Variants in IZUMO2 observed in about 807,000 individuals in gnomAD.
IZUMO2 encodes the protein izumo sperm-egg fusion protein 2.
A neutral mutation model predicts 31.2 loss-of-function variants in IZUMO2; 24 were observed. That is an observed-to-expected ratio of 0.77 (90% CI 0.56 to 1.08). IZUMO2 has a LOEUF of 1.08. Ranked by LOEUF, IZUMO2 falls within the 50% of genes least tolerant of loss-of-function variation. The pLI, the probability that IZUMO2 is intolerant of heterozygous loss-of-function variation, is 0.00. For synonymous variants in IZUMO2, 144 were observed against 117.3 expected (o/e 1.23, Z -1.47); for missense variants, 278 against 274.0 (o/e 1.01, Z -0.10).
At chr19:50,159,863 T>C (rs1005394413) in intron 2 of IZUMO2, 2 of 265,768 alleles carry the variant, frequency 7.5e-6, no homozygotes, top group Admixed American at 9.8e-5. Context: ...TTTTTTTCTT[T>C]TTGAGACGGA....
exon 1 of IZUMO2, chr19:50,163,278 TCACGGTGTTACAGG>T: frequency 1.0e-6 from 1 of 986,744 alleles, no homozygotes; most frequent in South Asian, 1.4e-5. Context: ...CCAGGGAGCA[TCACGGTGTTACAGG>T]CACGTGTTCG....
intron 5 of IZUMO2, among the ~76,000 whole-genome samples, chr19:50,157,519 G>A (rs2030251512): frequency 6.6e-6 from 1 of 150,932 alleles, no homozygotes; most frequent in African/African-American, 2.4e-5. Flanking sequence ...GGCCAGGCTG[G>A]TCTCAAACTC....
At chr19:50,160,150 C>T (rs2030348951) in intron 2 of IZUMO2, 1 of 153,344 alleles carries the variant, frequency 6.5e-6, no homozygotes, top group African/African-American at 2.4e-5. Flanking sequence ...CACCCGACCT[C>T]TTCTTTTTTG....
At chr19:50,154,962 A>G (rs2030166293) in intron 5 of IZUMO2, among the ~76,000 whole-genome samples, 1 of 152,128 alleles carries the variant, frequency 6.6e-6, no homozygotes, top group South Asian at 2.1e-4. Flanking sequence ...CGGGAACCAA[A>G]CTGGCAAACT....
chr19:50,160,387 A>C (rs910433001), intron 2 of IZUMO2: 1 of 152,206 alleles, frequency 6.6e-6, no homozygotes, highest in Non-Finnish European at 1.5e-5. Context: ...TTGCATGCTG[A>C]AATGGTGATA....
intron 5 of IZUMO2, 102 bp downstream of exon 5, chr19:50,158,166 G>T: frequency 1.5e-6 from 1 of 651,118 alleles, no homozygotes; most frequent in South Asian, 2.2e-5. Flanking sequence ...GGCAGGATTC[G>T]AGGCTGCATG....
rs761292133 is a variant in IZUMO2, at chr19:50,159,507, T to A, written c.381A>T (p.Ser127=). 4 of 1,610,200 alleles carry A rather than the reference T, an allele frequency of 2.5e-6. No individual in the cohort carries two copies. Among genetic ancestry groups the A allele is most frequent in the African/African-American group, 1.3e-5 (1 of 74,932 alleles). The change falls in exon 3 of 7, where the codon TCA becomes TCT. Residue 127 remains serine (S), a synonymous_variant. Transcript: ENST00000293405. ...VIKEFKKVLI[S]YELKACNPKL... is the part of the protein sequence containing the mutation. Reference sequence around the variant, plus strand: ...GATATGCTGCACCTTTTAATTCATATGAAATTAAAACTTTCTTGAATTCCT... The same window carrying A: ...GATATGCTGCACCTTTTAATTCATAAGAAATTAAAACTTTCTTGAATTCCT...
chr19:50,162,801 A>C lies in IZUMO2; in HGVS notation c.245T>G (p.Leu82Arg), dbSNP rs778573314. Residue 82 changes from leucine (L) to arginine (R), a missense_variant, in exon 2 of 7, where the codon CTG (leucine) becomes CGG (arginine). Leu to Arg is a moderately radical substitution (Grantham distance 102). Transcript: ENST00000293405. ...CTTGACAAAGGACGCCACAAGGTCC[A>C]GTTGATTTGTCTCTGGGGGGAGAAG... ...VFVGKVETNQ[L>R]DLVASFVKNQ... 2.2e-5 allele frequency: 36 copies of C among 1,613,716 alleles called. No homozygotes were observed. The Middle Eastern group carries it at 1.0e-3, about 46-fold the overall frequency.
intron 5 of IZUMO2, among the ~76,000 whole-genome samples, chr19:50,156,053 C>T (rs1440101958): frequency 5.9e-5 from 9 of 152,078 alleles, no homozygotes; most frequent in South Asian, 2.1e-4. Context: ...GCCCTACATC[C>T]GTATTTTCTA....
At position 50,162,767 on chromosome 19, in the gene IZUMO2, C is replaced by T. The variant is rs1392862887; in HGVS notation, c.279G>A (p.Thr93=). The T allele has an allele frequency of 6.2e-7, 1 of 1,613,854 alleles. No individual in the cohort carries two copies. The highest frequency in any genetic ancestry group is 8.5e-7 in the Non-Finnish European group (1 of 1,179,992). ...DLVASFVKNQ[T]QHLMGNSLKD... ...TCAGAGAGTTACCCATTAAGTGCTG[C>T]GTTTGGTTCTTGACAAAGGACGCCA... The change falls in exon 2 of 7, where the codon ACG becomes ACA. Residue 93 remains threonine (T), a synonymous_variant. Coordinates refer to ENST00000293405, the MANE Select transcript of IZUMO2 (RefSeq NM_152358.3).
intron 2 of IZUMO2, chr19:50,160,080 C>G (rs2030345958): frequency 6.5e-6 from 1 of 153,624 alleles, no homozygotes; most frequent in Non-Finnish European, 1.4e-5. Flanking sequence ...AACTCCTGAC[C>G]TCAGGTGATC....
chr19:50,162,824 A>G lies in IZUMO2; in HGVS notation c.233-11T>C. ...CCAGTTGATTTGTCTCTGGGGGGAG[A>G]AGGGAGAGGACACTCCAGTGAGCCC... On this transcript the variant is annotated splice_polypyrimidine_tract_variant and intron_variant, in intron 1 of 6. Transcript: ENST00000293405. The G allele has an allele frequency of 2.5e-6, 4 of 1,612,676 alleles. No individual in the cohort carries two copies. Among genetic ancestry groups the G allele is most frequent in the Non-Finnish European group, 3.4e-6 (4 of 1,179,328 alleles).
chr19:50,159,184 G>A (rs756952150), intron 4 of IZUMO2, 46 bp downstream of exon 4: 1 of 1,594,796 alleles, frequency 6.3e-7, no homozygotes. Flanking sequence ...AGGGTGAAGG[G>A]GGTTAGGAGG....
At position 50,154,712 on chromosome 19, in the gene IZUMO2, G is replaced by C. The variant is rs200853476; in HGVS notation, c.511C>G (p.Arg171Gly). 1 of 1,613,888 alleles carries C rather than the reference G, an allele frequency of 6.2e-7. No homozygotes were observed. Among genetic ancestry groups the C allele is most frequent in the Non-Finnish European group, 8.5e-7 (1 of 1,179,938 alleles). ...KKYCFVDRQP[R>G]VALQYQMDSK... is the part of the protein sequence containing the mutation. The stretch of plus-strand genomic sequence containing the variant: ...TCCATCTGGTACTGCAGGGCCACGC[G>C]GGGTTGCCGGTCGACTGGGGCGGGT... Residue 171 changes from arginine to glycine, a missense_variant, in exon 6 of 7, where the codon CGC becomes GGC. By Grantham distance (125) the Arg-to-Gly change is moderately radical (BLOSUM62 -2). Coordinates refer to ENST00000293405, the MANE Select transcript of IZUMO2 (RefSeq NM_152358.3).
In IZUMO2 at chr19:50,154,647, G is replaced by A. The variant is rs1343403092; in HGVS notation, c.576C>T (p.Leu192=). The change falls in exon 6 of 7, where the codon CTC becomes CTT. Residue 192 remains leucine, a synonymous_variant. Coordinates refer to ENST00000293405, the MANE Select transcript of IZUMO2 (RefSeq NM_152358.3). ...YPRNQALLGI[L]ISVSLAVFVF... is the part of the protein sequence containing the mutation. ...CAAAGACAGCCAGAGACACAGAAAT[G>A]AGGATGCCCAACAGCGCCTGGTTCC... The A allele has an allele frequency of 1.9e-6, 3 of 1,613,866 alleles. No homozygotes were observed. The highest frequency in any genetic ancestry group is 2.7e-5 in the African/African-American group (2 of 74,880).
At chr19:50,162,900 T>C (rs1393729461) in intron 1 of IZUMO2, 63 bp downstream of exon 1, 3 of 1,605,840 alleles carry the variant, frequency 1.9e-6, no homozygotes, top group Non-Finnish European at 2.6e-6. Flanking sequence ...CCGACCCCTC[T>C]TGGGGGCGTG....
Position 50,154,745 on chromosome 19 carries a change from C to T in IZUMO2, c.497-19G>A, listed in dbSNP as rs1351698564. 3.1e-6 allele frequency: 5 copies of T among 1,611,958 alleles called. No homozygotes were observed. The highest frequency in any genetic ancestry group is 4.2e-6 in the Non-Finnish European group (5 of 1,179,212). Reference sequence around the variant, plus strand: ...CGGTCGACTGGGGCGGGTGGGGAAACAGCCCCGACCTCCACGTCACCACCC... The same window carrying T: ...CGGTCGACTGGGGCGGGTGGGGAAATAGCCCCGACCTCCACGTCACCACCC... On this transcript the variant is annotated intron_variant, in intron 5 of 6. Coordinates refer to ENST00000293405, the MANE Select transcript of IZUMO2 (RefSeq NM_152358.3).
At position 50,159,228 on chromosome 19, in the gene IZUMO2, A is replaced by T; in HGVS notation, c.415+2T>A. On this transcript the variant is annotated splice_donor_variant, in intron 4 of 6. Transcript: ENST00000293405. LOFTEE classifies it high-confidence loss of function. ...GGGAGAGATAGACGATCCAGAACTCACGGCAAAGTTTGGGGTTGCAGGCTG... is the reference window on the plus strand; with the variant it reads ...GGGAGAGATAGACGATCCAGAACTCTCGGCAAAGTTTGGGGTTGCAGGCTG... The T allele has an allele frequency of 6.2e-7, 1 of 1,610,994 alleles. No individual in the cohort carries two copies. The highest frequency in any genetic ancestry group is 1.1e-5 in the South Asian group (1 of 89,672).
At chr19:50,161,441 T>C (rs371823202) in intron 2 of IZUMO2, among the ~76,000 whole-genome samples, 1 of 152,168 alleles carries the variant, frequency 6.6e-6, no homozygotes, top group Non-Finnish European at 1.5e-5. Flanking sequence ...CTTTTTTTTA[T>C]ATCCCTGTGC....
Sources: allele counts gnomAD v4.1 joint callset (sites outside exome capture counted in the v4.1 genomes callset), GRCh38; gene constraint gnomAD v4.1.1; transcripts MANE v1.5; gene names NCBI Gene and HGNC (gene_info 2026-07-23, HGNC 2026-07-21).